The following ZDHHC17 variants were observed in gnomAD, a reference collection of about 807,000 sequenced individuals.
ZDHHC17 encodes the protein zDHHC palmitoyltransferase 17.
ZDHHC17 carries 40 observed loss-of-function variants against 90.3 expected under a neutral mutation model. The ratio of observed to expected loss-of-function variants is 0.44; its 90% CI spans 0.34 to 0.58. The LOEUF (loss-of-function observed/expected upper bound fraction) is 0.58. Among genes scored for constraint, ZDHHC17 ranks in the 20% least tolerant of loss-of-function variants. The pLI is 0.01. For missense variants in ZDHHC17, 614 were observed against 780.8 expected, an observed-to-expected ratio of 0.79 and a Z score of 2.55; for synonymous variants, 235 against 252.4, an observed-to-expected ratio of 0.93 and a Z score of 0.65.
intron 1 of ZDHHC17, among the ~76,000 whole-genome samples, chr12:76,778,494 A>G (rs376300805): frequency 1.4e-4 from 21 of 152,286 alleles, no homozygotes; most frequent in African/African-American, 4.8e-4. Context: ...GAGTGCTGGG[A>G]TTACAGGCAT....
intron 16 of ZDHHC17, 147 bp downstream of exon 16, chr12:76,849,617 C>A: frequency 1.9e-6 from 1 of 538,994 alleles, no homozygotes; most frequent in South Asian, 2.8e-5. Context: ...ATAATAACAA[C>A]AAAACAGAAT....
At chr12:76,793,688 G>A (rs947917473) in intron 1 of ZDHHC17, among the ~76,000 whole-genome samples, 1 of 152,176 alleles carries the variant, frequency 6.6e-6, no homozygotes, top group Non-Finnish European at 1.5e-5. Context: ...CTAGGTAGGG[G>A]AGTGGCGGAC....
intron 1 of ZDHHC17, among the ~76,000 whole-genome samples, chr12:76,785,198 A>C (rs1365911392): frequency 6.6e-6 from 1 of 152,184 alleles, no homozygotes; most frequent in Non-Finnish European, 1.5e-5. Context: ...TTTTTCAGGT[A>C]ATAATATGAA....
At chr12:76,849,343 A>G in intron 15 of ZDHHC17, 33 bp from the exon 16 acceptor site, 2 of 1,132,008 alleles carry the variant, frequency 1.8e-6, no homozygotes, top group South Asian at 3.0e-5. Context: ...AAAAAAAAAC[A>G]AGAATAATGG....
At position 76,829,932 on chromosome 12, in the gene ZDHHC17, A is replaced by G. The variant is rs372240339; in HGVS notation, c.1141+1442A>G. 2.0e-3 allele frequency among the ~76,000 whole-genome samples: 300 copies of G among 152,254 alleles called. 2 individuals are homozygous for G. Among genetic ancestry groups the G allele is most frequent in the African/African-American group, 6.5e-3 (272 of 41,558 alleles). Reference sequence around the variant, plus strand: ...CAGCTTGAACTCCTGGGCTCCAGCAATCCGTCTGCCTGAGCCTCCCAAGCA... The same window carrying G: ...CAGCTTGAACTCCTGGGCTCCAGCAGTCCGTCTGCCTGAGCCTCCCAAGCA... On this transcript the variant is annotated intron_variant, in intron 10 of 16. Transcript: ENST00000426126.
chr12:76,780,084 T>G (rs1404517866), intron 1 of ZDHHC17, among the ~76,000 whole-genome samples: 2 of 152,196 alleles, frequency 1.3e-5, no homozygotes, highest in African/African-American at 2.4e-5. Context: ...GTAGTTTGCT[T>G]CTTCTCACTT....
At chr12:76,786,647 A>C (rs1457504510) in intron 1 of ZDHHC17, among the ~76,000 whole-genome samples, 3 of 152,122 alleles carry the variant, frequency 2.0e-5, no homozygotes, top group Non-Finnish European at 4.4e-5. Flanking sequence ...CATCAGCCTC[A>C]TGAGTTGTGG....
chr12:76,846,806 G>A, intron 14 of ZDHHC17, 127 bp downstream of exon 14: 1 of 764,092 alleles, frequency 1.3e-6, no homozygotes, highest in Non-Finnish European at 2.1e-6. Context: ...GACACCTTAT[G>A]AAGCACAAAA....
At chr12:76,810,360 A>G (rs1953005023) in intron 5 of ZDHHC17, among the ~76,000 whole-genome samples, 1 of 152,156 alleles carries the variant, frequency 6.6e-6, no homozygotes, top group African/African-American at 2.4e-5. Context: ...ATCACATTAA[A>G]TATTACCAGT....
At chr12:76,783,248 G>A (rs1410305029) in intron 1 of ZDHHC17, among the ~76,000 whole-genome samples, 3 of 152,176 alleles carry the variant, frequency 2.0e-5, no homozygotes. Context: ...TTTTCACACT[G>A]CTATAAAGAA....
Position 76,851,171 on chromosome 12 carries a change from C to A in ZDHHC17, c.*186C>A. On this transcript the variant is annotated 3_prime_UTR_variant, in exon 17 of 17. Transcript: ENST00000426126. ...AAGTAAACATGGACAGAACACACTG[C>A]CATTTCTGGGAAGAGTAAAGATGAT... is the stretch of plus-strand genomic sequence containing the variant. 1 of 594,878 alleles carries A rather than the reference C, an allele frequency of 1.7e-6. No individual in the cohort carries two copies. Among genetic ancestry groups the A allele is most frequent in the Non-Finnish European group, 2.7e-6 (1 of 363,958 alleles). The allele number at this position is 594,878 out of a possible 1,614,324, so 36.8% of individuals were successfully genotyped here. A position where few individuals can be genotyped will look rare whatever the true frequency, so the allele number is the denominator to read the frequency against.
intron 14 of ZDHHC17, among the ~76,000 whole-genome samples, chr12:76,847,232 G>A (rs932865263): frequency 7.9e-5 from 12 of 152,198 alleles, no homozygotes; most frequent in African/African-American, 2.4e-4. Flanking sequence ...TGAGAATGCA[G>A]TCTGGAAAGA....
intron 1 of ZDHHC17, among the ~76,000 whole-genome samples, chr12:76,765,944 C>A: frequency 6.6e-6 from 1 of 152,146 alleles, no homozygotes; most frequent in Non-Finnish European, 1.5e-5. Flanking sequence ...TCAAGTGGTC[C>A]TCTCACCTTA....
intron 1 of ZDHHC17, among the ~76,000 whole-genome samples, chr12:76,778,531 T>A (rs1952587277): frequency 6.6e-6 from 1 of 152,204 alleles, no homozygotes; most frequent in Admixed American, 6.5e-5. Flanking sequence ...CCGGGAAGTT[T>A]TAACTAGGCC....
At chr12:76,832,714 A>C (rs1313588505) in intron 10 of ZDHHC17, among the ~76,000 whole-genome samples, 2 of 152,008 alleles carry the variant, frequency 1.3e-5, no homozygotes, top group Non-Finnish European at 2.9e-5. Context: ...TGTGCTTAAG[A>C]GCGTGATAGC....
At chr12:76,804,442 G>T (rs1952930495) in intron 2 of ZDHHC17, among the ~76,000 whole-genome samples, 1 of 152,222 alleles carries the variant, frequency 6.6e-6, no homozygotes, top group African/African-American at 2.4e-5. Flanking sequence ...ATAGAAAAGA[G>T]AAGGGAATTT....
At chr12:76,778,107 A>G (rs182428773) in intron 1 of ZDHHC17, among the ~76,000 whole-genome samples, 3 of 152,326 alleles carry the variant, frequency 2.0e-5, no homozygotes, top group East Asian at 3.9e-4. Flanking sequence ...GGTGTTGACC[A>G]TTAGGTTTTT....
intron 1 of ZDHHC17, among the ~76,000 whole-genome samples, chr12:76,771,174 T>A (rs1952487752): frequency 6.6e-6 from 1 of 152,112 alleles, no homozygotes; most frequent in Admixed American, 6.6e-5. Context: ...TACATAAAAT[T>A]TGACCCAGTG....
intron 2 of ZDHHC17, among the ~76,000 whole-genome samples, chr12:76,803,000 C>A (rs1406579624): frequency 6.6e-6 from 1 of 151,974 alleles, no homozygotes; most frequent in Non-Finnish European, 1.5e-5. Flanking sequence ...ACCTGTAATC[C>A]CAGCTCTTGG....
Sources: allele counts gnomAD v4.1 joint callset (sites outside exome capture counted in the v4.1 genomes callset), GRCh38; gene constraint gnomAD v4.1.1; transcripts MANE v1.5; gene names NCBI Gene and HGNC (gene_info 2026-07-23, HGNC 2026-07-21).